Variants in KIF1B observed in about 807,000 individuals in gnomAD.
KIF1B encodes kinesin-like protein KIF1B.
In KIF1B, 76 loss-of-function variants were observed where a neutral mutation model predicts 241.9. The observed-to-expected ratio is 0.31, with a 90% CI of 0.26 to 0.38. KIF1B has a LOEUF of 0.38. Among genes scored for constraint, KIF1B ranks in the 10% least tolerant of loss-of-function variants. KIF1B has a pLI of 1.00. For missense variants in KIF1B, 1,622 were observed against 2,271.4 expected (o/e 0.71, Z 5.81); for synonymous variants, 750 against 796.7 (o/e 0.94, Z 0.99).
In KIF1B at chr1:10,369,586, T is replaced by C. The variant is rs572408415; in HGVS notation, c.4824+1048T>C. 3.9e-5 allele frequency among the ~76,000 whole-genome samples: 6 copies of C among 152,266 alleles called. No homozygotes were observed. In the East Asian group the frequency reaches 1.2e-3, roughly 29 times the overall value. On this transcript the variant is annotated intron_variant, in intron 44 of 48. Transcript: ENST00000676179. The stretch of plus-strand genomic sequence containing the variant: ...AGTTTGAGGCTGCAGTGAGGTATGA[T>C]TGTGCCATTGCACCCCAGCCTGTGT...
At chr1:10,321,560 G>A (rs764949269) in intron 23 of KIF1B, 149 bp from the exon 24 acceptor site, 41 of 740,958 alleles carry the variant, frequency 5.5e-5, no homozygotes, top group Non-Finnish European at 8.6e-5. Flanking sequence ...AACAGAATTT[G>A]GTAAGCTTTA....
intron 31 of KIF1B, among the ~76,000 whole-genome samples, chr1:10,338,965 T>C (rs551083925): frequency 8.5e-5 from 13 of 152,316 alleles, no homozygotes; most frequent in African/African-American, 3.1e-4. Flanking sequence ...AAATAGTTTC[T>C]TTTTCTCCAT....
chr1:10,360,702 A>AT (rs1638397493), intron 38 of KIF1B, among the ~76,000 whole-genome samples: 1 of 151,346 alleles, frequency 6.6e-6, no homozygotes, highest in African/African-American at 2.4e-5. Flanking sequence ...AAAAAAAAAA[A>AT]GCACAACTAA....
intron 17 of KIF1B, among the ~76,000 whole-genome samples, chr1:10,293,086 C>CTTTTTTTTTTTTTTTTTTTTTTTT (rs33954582): frequency 2.8e-5 from 4 of 144,988 alleles, no homozygotes; most frequent in Non-Finnish European, 6.0e-5. Context: ...GGCCACATAA[C>CTTTTTTTTTTTTTTTTTTTTTTTT]TTTTTTTTTT....
intron 32 of KIF1B, among the ~76,000 whole-genome samples, chr1:10,340,948 G>A (rs1222052504): frequency 6.6e-6 from 1 of 152,164 alleles, no homozygotes; most frequent in African/African-American, 2.4e-5. Flanking sequence ...AGTAAGAGAG[G>A]AAAGGAGAAC....
chr1:10,343,116 C>A, intron 33 of KIF1B, 116 bp from the exon 34 acceptor site: 1 of 1,036,654 alleles, frequency 9.6e-7, no homozygotes, highest in Non-Finnish European at 1.5e-6. Flanking sequence ...ATTCTCACTC[C>A]TACTTGTGAA....
rs1160054510 is a variant in KIF1B at position 10,337,791 on chromosome 1, C to T, written c.3422+258C>T. On this transcript the variant is annotated intron_variant, in intron 31 of 48. Coordinates refer to ENST00000676179, the MANE Select transcript of KIF1B (RefSeq NM_001365951.3). The surrounding 1 kb of genome is among the most constrained non-coding windows in gnomAD (Gnocchi z 4.0). Reference sequence around the variant, plus strand: ...CTCTGCTGTGAGCGGTCCCCCTTTACCAGGAATGTAGGGTCTGATCACATA... The same window carrying T: ...CTCTGCTGTGAGCGGTCCCCCTTTATCAGGAATGTAGGGTCTGATCACATA... 1.3e-5 allele frequency among the ~76,000 whole-genome samples: 2 copies of T among 152,146 alleles called. No homozygotes were observed. The highest frequency in any genetic ancestry group is 2.9e-5 in the Non-Finnish European group (2 of 68,026).
intron 2 of KIF1B, among the ~76,000 whole-genome samples, chr1:10,244,320 T>TC (rs1647176743): frequency 1.4e-5 from 2 of 147,912 alleles, no homozygotes; most frequent in African/African-American, 5.0e-5. Flanking sequence ...CTTTTCTTTT[T>TC]TTTTTTTTTT....
At chr1:10,298,632 TTAA>T (rs759516088) in intron 22 of KIF1B, among the ~76,000 whole-genome samples, 1 of 151,220 alleles carries the variant, frequency 6.6e-6, no homozygotes, top group Non-Finnish European at 1.5e-5. Context: ...GTCTTTTATC[TTAA>T]TAATGTAGTA....
intron 15 of KIF1B, among the ~76,000 whole-genome samples, chr1:10,285,011 T>C (rs1404190150): frequency 6.6e-6 from 1 of 152,240 alleles, no homozygotes. Context: ...TAACTTTTAC[T>C]GTTGGTAAAA....
At chr1:10,366,848 G>A (rs1277999204) in intron 43 of KIF1B, among the ~76,000 whole-genome samples, 1 of 151,926 alleles carries the variant, frequency 6.6e-6, no homozygotes, top group African/African-American at 2.4e-5. Flanking sequence ...GCGTGCGCCT[G>A]TAGTCCCAGC....
chr1:10,297,342 G>A (rs1470570774), intron 22 of KIF1B, 96 bp downstream of exon 22: 2 of 1,021,552 alleles, frequency 2.0e-6, no homozygotes, highest in East Asian at 4.7e-5. Flanking sequence ...AATTGCTTCT[G>A]TCTCAATGAT....
intron 2 of KIF1B, 137 bp from the exon 3 acceptor site, chr1:10,256,110 A>G: frequency 3.0e-6 from 2 of 674,578 alleles, no homozygotes; most frequent in Non-Finnish European, 5.4e-6. Context: ...AGCCCAGCCT[A>G]TTAATTTTTG....
chr1:10,323,161 C>T (rs1011568410), intron 24 of KIF1B, among the ~76,000 whole-genome samples: 11 of 152,054 alleles, frequency 7.2e-5, no homozygotes, highest in African/African-American at 2.7e-4. Context: ...CGTGCCCAGC[C>T]AAATAAATGC....
intron 2 of KIF1B, among the ~76,000 whole-genome samples, chr1:10,237,372 T>C (rs1647070370): frequency 6.6e-6 from 1 of 152,218 alleles, no homozygotes; most frequent in Non-Finnish European, 1.5e-5. Flanking sequence ...TAAACCTGTA[T>C]AAATGCACTC....
intron 1 of KIF1B, among the ~76,000 whole-genome samples, chr1:10,224,672 C>T (rs905760033): frequency 1.3e-5 from 2 of 152,200 alleles, no homozygotes; most frequent in African/African-American, 4.8e-5. Context: ...AATTCTTTCA[C>T]TTTAGCCTCC....
chr1:10,320,850 C>T (rs1262868735), intron 23 of KIF1B, among the ~76,000 whole-genome samples: 5 of 151,428 alleles, frequency 3.3e-5, no homozygotes, highest in African/African-American at 7.3e-5. Context: ...TACAGGGATG[C>T]GCCACCATGC....
At chr1:10,274,871 G>T in intron 10 of KIF1B, 1 of 358,292 alleles carries the variant, frequency 2.8e-6, no homozygotes, top group South Asian at 2.1e-5. Flanking sequence ...TGGTCCTGTG[G>T]TGTTTTGTTT....
At chr1:10,243,970 C>T (rs1296449551) in intron 2 of KIF1B, among the ~76,000 whole-genome samples, 1 of 151,948 alleles carries the variant, frequency 6.6e-6, no homozygotes, top group Non-Finnish European at 1.5e-5. Flanking sequence ...ATTGTTTATT[C>T]AATGTGTATG....
Sources: gnomAD v4.1 joint callset for allele counts (sites outside exome capture counted in the v4.1 genomes callset) on GRCh38, gnomAD v4.1.1 for gene constraint, Gnocchi (gnomAD v3.1) non-coding constraint, MANE v1.5 for transcripts, NCBI Gene and HGNC (gene_info 2026-07-23, HGNC 2026-07-21) for gene names.